The following RIPOR3 variants were observed in gnomAD, a reference collection of about 807,000 sequenced individuals.
The protein encoded by RIPOR3 is RIPOR family member 3.
A neutral mutation model predicts 114.3 loss-of-function variants in RIPOR3; 95 were observed. The observed-to-expected ratio is 0.83, with a 90% confidence interval of 0.70 to 0.99. RIPOR3 has a LOEUF of 0.99. Among genes scored for constraint, RIPOR3 ranks in the 50% least tolerant of loss-of-function variants. RIPOR3 has a pLI of 0.00. For synonymous variants in RIPOR3, 575 were observed against 543.8 expected, an observed-to-expected ratio of 1.06 and a Z score of -0.80; for missense variants, 1,252 against 1,266.9, an observed-to-expected ratio of 0.99 and a Z score of 0.18.
chr20:50,597,443 G>T, intron 14 of RIPOR3, 137 bp downstream of exon 14: 1 of 1,251,844 alleles, frequency 8.0e-7, no homozygotes, highest in South Asian at 1.5e-5. Context: ...CATGGGGAAG[G>T]GTGCACGATA....
chr20:50,652,590 CAAAAAAAAAAAAAA>C lies in RIPOR3; in HGVS notation c.4-21748_4-21735del, dbSNP rs11470456. On this transcript the variant is annotated intron_variant, in intron 1 of 21. Transcript: ENST00000327979. Reference sequence around the variant, plus strand: ...TGGGCGACAGAGAGAGATTCTGTCTCAAAAAAAAAAAAAAAAAAAAAAAGAAAAGAAAAGAAAAG... The same window carrying C: ...TGGGCGACAGAGAGAGATTCTGTCTCAAAAAAAAAGAAAAGAAAAGAAAAG... 1.6e-4 allele frequency among the ~76,000 whole-genome samples: 14 copies of C among 87,320 alleles called. No individual in the cohort carries two copies. The East Asian group carries it at 4.1e-3, about 25-fold the overall frequency. 57.3% of individuals were successfully genotyped at this position (87,320 alleles called of 152,430 possible). A position where few individuals can be genotyped will look rare whatever the true frequency, so the allele number is the denominator to read the frequency against.
intron 11 of RIPOR3, among the ~76,000 whole-genome samples, 197 bp downstream of exon 11, chr20:50,608,192 A>G (rs1191377586): frequency 6.6e-6 from 1 of 152,186 alleles, no homozygotes; most frequent in Admixed American, 6.5e-5. Flanking sequence ...AAGCAAAACC[A>G]GAAAGGCAGG....
At chr20:50,589,565 A>C in intron 20 of RIPOR3, 121 bp downstream of exon 20, 1 of 1,038,006 alleles carries the variant, frequency 9.6e-7, no homozygotes, top group South Asian at 1.4e-5. Flanking sequence ...CAAAGTGCTG[A>C]GATTACAGGC....
chr20:50,594,606 T>C lies in RIPOR3; in HGVS notation c.2159A>G (p.Lys720Arg). Residue 720 changes from lysine (K) to arginine (R), a missense_variant, in exon 17 of 22, where the codon AAG becomes AGG. Lys to Arg is a conservative substitution (Grantham distance 26). Coordinates refer to ENST00000327979, the MANE Select transcript of RIPOR3 (RefSeq NM_001290268.2). ...CPATTLLNQL[K>R]KTFQHRVRGK... Reference sequence around the variant, plus strand: ...TCTGACTCTGTGCTGGAAGGTTTTCTTGAGCTGGTTCAGCAGCGTCGTGGC... The same window carrying C: ...TCTGACTCTGTGCTGGAAGGTTTTCCTGAGCTGGTTCAGCAGCGTCGTGGC... The C allele has an allele frequency of 6.2e-7, 1 of 1,614,138 alleles. No individual in the cohort carries two copies. The highest frequency in any genetic ancestry group is 8.5e-7 in the Non-Finnish European group (1 of 1,180,028).
In RIPOR3 at chr20:50,691,296, C is replaced by G; in HGVS notation, c.-168G>C. ...CTGGCCACCAGCCGCTGGTCCCGCT[C>G]TCTGGGAAGATCGCCTTGAGGACCT... On this transcript the variant is annotated 5_prime_UTR_variant, in exon 1 of 22. Coordinates refer to ENST00000327979, the MANE Select transcript of RIPOR3 (RefSeq NM_001290268.2). The G allele has an allele frequency of 1.2e-6, 1 of 857,520 alleles. No homozygotes were observed. The highest frequency in any genetic ancestry group is 1.6e-5 in the South Asian group (1 of 64,510). 53.1% of individuals were successfully genotyped at this position (857,520 alleles called of 1,614,324 possible).
chr20:50,607,381 C>G (rs1432129777), intron 11 of RIPOR3, among the ~76,000 whole-genome samples: 1 of 152,176 alleles, frequency 6.6e-6, no homozygotes, highest in Middle Eastern at 3.2e-3. Flanking sequence ...TGGCCTGTGT[C>G]CAGCCTTGCA....
intron 1 of RIPOR3, among the ~76,000 whole-genome samples, chr20:50,646,358 C>T (rs962121016): frequency 6.6e-6 from 1 of 152,124 alleles, no homozygotes; most frequent in African/African-American, 2.4e-5. Context: ...TCTCAAACTC[C>T]TGAGCTCAAG....
chr20:50,621,280 C>T (rs1037621473), intron 2 of RIPOR3, among the ~76,000 whole-genome samples: 2 of 152,206 alleles, frequency 1.3e-5, no homozygotes, highest in African/African-American at 2.4e-5. Flanking sequence ...CTGTGCTTTA[C>T]CCTTGGGGCA....
At chr20:50,669,403 G>A (rs1046599731) in intron 1 of RIPOR3, among the ~76,000 whole-genome samples, 5 of 152,166 alleles carry the variant, frequency 3.3e-5, no homozygotes, top group Non-Finnish European at 7.3e-5. Context: ...AAATATTACT[G>A]GGCTTTCCTC....
chr20:50,690,789 G>C (rs1368598511), intron 1 of RIPOR3, among the ~76,000 whole-genome samples: 1 of 152,120 alleles, frequency 6.6e-6, no homozygotes, highest in Non-Finnish European at 1.5e-5. Context: ...GGGATTTCCC[G>C]AGCCGACGCT....
chr20:50,685,931 G>A (rs1484833975), intron 1 of RIPOR3, among the ~76,000 whole-genome samples: 2 of 152,044 alleles, frequency 1.3e-5, no homozygotes, highest in African/African-American at 2.4e-5. Context: ...ACACCTGTTG[G>A]TTGAAAGAAG....
rs756288311 is a variant in RIPOR3 at position 50,587,296 on chromosome 20, T to C, written c.2789A>G (p.Lys930Arg). Residue 930 changes from lysine to arginine, a missense_variant, in exon 22 of 22, where the codon AAG becomes AGG. By Grantham distance (26) the Lys-to-Arg change is conservative (BLOSUM62 2). Coordinates refer to ENST00000327979, the MANE Select transcript of RIPOR3 (RefSeq NM_001290268.2). Reference protein sequence around the residue: ...KGRLAFEKMDKLCSEQREVFC... With the variant: ...KGRLAFEKMDRLCSEQREVFC... ...GACTTCTCTTTGTTCTGAGCAGAGC[T>C]TGTCCATCTTCTCAAAAGCTAACCG... The C allele has an allele frequency of 6.2e-7, 1 of 1,614,116 alleles. No individual in the cohort carries two copies. The highest frequency in any genetic ancestry group is 8.5e-7 in the Non-Finnish European group (1 of 1,180,044).
intron 2 of RIPOR3, among the ~76,000 whole-genome samples, chr20:50,625,896 C>T (rs1008049634): frequency 1.3e-5 from 2 of 152,190 alleles, no homozygotes; most frequent in African/African-American, 4.8e-5. Flanking sequence ...ATAAAATTTC[C>T]CCACCAGGTT....
In RIPOR3 at chr20:50,610,910, C is replaced by T. The variant is rs759490614; in HGVS notation, c.373-4G>A. On this transcript the variant is annotated splice_region_variant and splice_polypyrimidine_tract_variant and intron_variant, in intron 5 of 21. Transcript: ENST00000327979. ...GCCTTTCCACACAGCGCGTTTGCTT[C>T]TCCCGGAAAAAGGGAAGATGTTTGC... The T allele has an allele frequency of 1.2e-6, 2 of 1,614,090 alleles. No individual in the cohort carries two copies. Among genetic ancestry groups the T allele is most frequent in the Non-Finnish European group, 1.7e-6 (2 of 1,180,040 alleles).
At chr20:50,658,866 G>C (rs1411389823) in intron 1 of RIPOR3, among the ~76,000 whole-genome samples, 1 of 152,120 alleles carries the variant, frequency 6.6e-6, no homozygotes, top group Non-Finnish European at 1.5e-5. Context: ...TAGATGCCAG[G>C]TCTTACTCTC....
Position 50,597,715 on chromosome 20 carries a change from G to C in RIPOR3, c.1660-5C>G, listed in dbSNP as rs2083347568. 6.2e-7 allele frequency: 1 copy of C among 1,611,872 alleles called. No individual in the cohort carries two copies. The highest frequency in any genetic ancestry group is 2.2e-5 in the East Asian group (1 of 44,790). On this transcript the variant is annotated splice_polypyrimidine_tract_variant and splice_region_variant and intron_variant, in intron 13 of 21. Coordinates refer to ENST00000327979, the MANE Select transcript of RIPOR3 (RefSeq NM_001290268.2). ...CTCCTGCCGTGCTCTGCAGGGCTGT[G>C]GACGAAGTGGCCAGACCTGAGGGCA...
intron 1 of RIPOR3, among the ~76,000 whole-genome samples, chr20:50,671,782 G>A (rs1001580559): frequency 6.0e-5 from 9 of 150,866 alleles, no homozygotes; most frequent in East Asian, 5.9e-4. Context: ...ATGGGTGGGC[G>A]AAGGGATGGA....
chr20:50,678,857 A>C (rs899095305), intron 1 of RIPOR3, among the ~76,000 whole-genome samples: 1 of 151,952 alleles, frequency 6.6e-6, no homozygotes, highest in African/African-American at 2.4e-5. Flanking sequence ...TAATCCCAGC[A>C]CTTTGGGAGG....
chr20:50,626,370 G>T (rs571330982), intron 2 of RIPOR3, among the ~76,000 whole-genome samples: 1 of 152,362 alleles, frequency 6.6e-6, no homozygotes, highest in African/African-American at 2.4e-5. Flanking sequence ...GACAGGAGGG[G>T]TCTGAGATAT....
Sources: allele counts gnomAD v4.1 joint callset (sites outside exome capture counted in the v4.1 genomes callset), GRCh38; gene constraint gnomAD v4.1.1; transcripts MANE v1.5; gene names NCBI Gene and HGNC (gene_info 2026-07-23, HGNC 2026-07-21).